Variants in INVS observed in about 807,000 individuals in gnomAD.
INVS encodes inversion of embryo turning homolog.
A neutral mutation model predicts 108.8 loss-of-function variants in INVS; 86 were observed. The ratio of observed to expected loss-of-function variants is 0.79; its 90% confidence interval spans 0.66 to 0.95. The LOEUF is 0.95. INVS is among the 40% of genes least tolerant of loss of function. INVS has a pLI of 0.00. For missense variants in INVS, 1,169 were observed against 1,297.4 expected (o/e 0.90, Z 1.52); for synonymous variants, 455 against 473.5 (o/e 0.96, Z 0.51).
At chr9:100,160,879 C>T (rs1225172807) in intron 3 of INVS, among the ~76,000 whole-genome samples, 3 of 146,036 alleles carry the variant, frequency 2.1e-5, no homozygotes, top group East Asian at 4.0e-4. Flanking sequence ...CACTTGAACC[C>T]GGGAGGCGGA....
intron 2 of INVS, among the ~76,000 whole-genome samples, chr9:100,108,300 T>C (rs1827239873): frequency 6.6e-6 from 1 of 152,188 alleles, no homozygotes; most frequent in Admixed American, 6.5e-5. Flanking sequence ...AATAAACTTA[T>C]TTATAAATTG....
At chr9:100,134,024 CCT>C (rs1301462722) in intron 3 of INVS, among the ~76,000 whole-genome samples, 1 of 151,968 alleles carries the variant, frequency 6.6e-6, no homozygotes, top group Non-Finnish European at 1.5e-5. Flanking sequence ...TTTGTGAGAA[CCT>C]GGTACACCCA....
intron 4 of INVS, among the ~76,000 whole-genome samples, chr9:100,226,476 TAA>T (rs939389431): frequency 9.9e-5 from 15 of 152,108 alleles, no homozygotes; most frequent in African/African-American, 3.4e-4. Context: ...TCAGGAAGAT[TAA>T]AAGTTTGCCC....
chr9:100,137,362 C>A (rs1828261463), intron 3 of INVS, among the ~76,000 whole-genome samples: 1 of 152,106 alleles, frequency 6.6e-6, no homozygotes, highest in Non-Finnish European at 1.5e-5. Context: ...CCATTAAACT[C>A]CTAAACTTGG....
At chr9:100,157,631 A>G (rs186645975) in intron 3 of INVS, among the ~76,000 whole-genome samples, 5 of 152,254 alleles carry the variant, frequency 3.3e-5, no homozygotes, top group Admixed American at 2.0e-4. Context: ...ATAGGAAAAC[A>G]TTTTCACAAG....
intron 1 of INVS, among the ~76,000 whole-genome samples, chr9:100,101,001 A>ATATATATATTATATGTATATATAT: frequency 1.2e-5 from 1 of 85,524 alleles, no homozygotes; most frequent in Non-Finnish European, 2.0e-5. Flanking sequence ...TGTATATATA[A>ATATATATATTATATGTATATATAT]TATATATATT....
intron 2 of INVS, among the ~76,000 whole-genome samples, chr9:100,122,725 A>C (rs1827766243): frequency 6.6e-6 from 1 of 151,704 alleles, no homozygotes; most frequent in East Asian, 1.9e-4. Context: ...CTGGGACTAC[A>C]GGCACCTGCC....
At position 100,293,425 on chromosome 9, in the gene INVS, T is replaced by C. The variant is rs560847852; in HGVS notation, c.2786+382T>C. Among the ~76,000 whole-genome samples, 8 of 152,348 alleles carry C rather than the reference T, an allele frequency of 5.3e-5. No homozygotes were observed. In the South Asian group the frequency reaches 8.3e-4, roughly 16 times the overall value. On this transcript the variant is annotated intron_variant, in intron 14 of 16. Coordinates refer to ENST00000262457, the MANE Select transcript of INVS (RefSeq NM_014425.5). ...GATTTAATAATTGTTGCACATGTCC[T>C]GTTAATATGACAGGTTGCTGGAATG...
At position 100,300,708 on chromosome 9, in the gene INVS, T is replaced by C. The variant is rs1833941801; in HGVS notation, c.*34T>C. 1 of 1,440,228 alleles carries C rather than the reference T, an allele frequency of 6.9e-7. No individual in the cohort carries two copies. Among genetic ancestry groups the C allele is most frequent in the African/African-American group, 1.4e-5 (1 of 71,420 alleles). 89.2% of individuals were successfully genotyped at this position (1,440,228 alleles called of 1,614,324 possible). A position where few individuals can be genotyped will look rare whatever the true frequency, so the allele number is the denominator to read the frequency against. The stretch of plus-strand genomic sequence containing the variant: ...GGAGGAAGACTGTGTTCGGGGGAGC[T>C]GGCATAGCTAGTGCAGAGTTCAGAT... On this transcript the variant is annotated 3_prime_UTR_variant, in exon 17 of 17. Transcript: ENST00000262457.
Position 100,301,169 on chromosome 9 carries a change from ACACACACACAT to A in INVS, c.*496_*506del, listed in dbSNP as rs1181241979. On this transcript the variant is annotated 3_prime_UTR_variant, in exon 17 of 17. Transcript: ENST00000262457. ...CACACACACACACACACACACACAC[ACACACACACAT>A]ATCACGTCCCACTATTACTTCAAAA... is the stretch of plus-strand genomic sequence containing the variant. 2.3e-5 allele frequency among the ~76,000 whole-genome samples: 3 copies of A among 129,560 alleles called. No individual in the cohort carries two copies. The highest frequency in any genetic ancestry group is 6.4e-5 in the African/African-American group (2 of 31,142). 85.0% of individuals were successfully genotyped at this position (129,560 alleles called of 152,430 possible).
intron 5 of INVS, among the ~76,000 whole-genome samples, chr9:100,234,442 T>C (rs1411244467): frequency 1.3e-5 from 2 of 152,190 alleles, no homozygotes; most frequent in Non-Finnish European, 2.9e-5. Flanking sequence ...CTCTACTTGT[T>C]TTAATTGTGA....
At chr9:100,246,014 A>G (rs561902065) in intron 7 of INVS, among the ~76,000 whole-genome samples, 3 of 151,988 alleles carry the variant, frequency 2.0e-5, no homozygotes, top group Non-Finnish European at 4.4e-5. Context: ...ATAATACAAA[A>G]ATTAGCCGGG....
intron 3 of INVS, among the ~76,000 whole-genome samples, chr9:100,157,258 C>CTTTTTTTTT (rs917427091): frequency 2.5e-5 from 3 of 121,072 alleles, no homozygotes; most frequent in African/African-American, 1.3e-4. Context: ...GTAAAAATTT[C>CTTTTTTTTT]TTTTTTTTCT....
chr9:100,268,985 T>C (rs1221864965), intron 11 of INVS, among the ~76,000 whole-genome samples: 1 of 152,206 alleles, frequency 6.6e-6, no homozygotes, highest in Non-Finnish European at 1.5e-5. Flanking sequence ...GCTTATATAT[T>C]ATGTGAAGGA....
chr9:100,200,236 C>T (rs1418477084), intron 3 of INVS, among the ~76,000 whole-genome samples: 1 of 152,132 alleles, frequency 6.6e-6, no homozygotes, highest in East Asian at 1.9e-4. Flanking sequence ...ATTTATAAAG[C>T]TATTGTAAAT....
intron 5 of INVS, among the ~76,000 whole-genome samples, chr9:100,239,336 G>A (rs1050596044): frequency 2.6e-5 from 4 of 152,194 alleles, no homozygotes; most frequent in African/African-American, 9.7e-5. Flanking sequence ...GTATAGTGTT[G>A]AGAGAAAGAA....
At chr9:100,138,733 GTC>G (rs1195237687) in intron 3 of INVS, among the ~76,000 whole-genome samples, 5 of 138,158 alleles carry the variant, frequency 3.6e-5, no homozygotes, top group Non-Finnish European at 3.1e-5. Context: ...TCAAGAGAGA[GTC>G]TCGCTCTGTC....
intron 3 of INVS, among the ~76,000 whole-genome samples, chr9:100,202,914 C>A (rs1485151226): frequency 6.6e-6 from 1 of 152,160 alleles, no homozygotes; most frequent in Non-Finnish European, 1.5e-5. Context: ...CCACCTGATT[C>A]TAACCAGAGC....
intron 2 of INVS, among the ~76,000 whole-genome samples, chr9:100,111,979 T>G (rs1171726983): frequency 6.6e-6 from 1 of 150,492 alleles, no homozygotes; most frequent in African/African-American, 2.5e-5. Flanking sequence ...GGATATATAC[T>G]TTCTTTCTTT....
Sources: allele counts gnomAD v4.1 joint callset (sites outside exome capture counted in the v4.1 genomes callset), GRCh38; gene constraint gnomAD v4.1.1; transcripts MANE v1.5; gene names NCBI Gene and HGNC (gene_info 2026-07-23, HGNC 2026-07-21).